C5orf34: variants seen among roughly 807,000 people sequenced by gnomAD.
The protein encoded by C5orf34 is chromosome 5 open reading frame 34.
Under a neutral mutation model 78.4 loss-of-function variants are expected in C5orf34, and 73 were observed. That is an observed-to-expected ratio of 0.93 (90% confidence interval 0.77 to 1.13). C5orf34 has a LOEUF of 1.13. Among genes scored for constraint, C5orf34 ranks in the 50% most tolerant of loss-of-function variants. The probability of loss-of-function intolerance (pLI) is 0.00; values close to 1 mark genes in which losing one functional copy is unlikely to be tolerated. For synonymous variants in C5orf34, 251 were observed against 246.6 expected, an observed-to-expected ratio of 1.02 and a Z score of -0.17; for missense variants, 730 against 732.7, an observed-to-expected ratio of 1.00 and a Z score of 0.04.
At chr5:43,496,246 C>A (rs1745513057) in intron 6 of C5orf34, 1 of 1,580,370 alleles carries the variant, frequency 6.3e-7, no homozygotes, top group Non-Finnish European at 8.6e-7. Flanking sequence ...AATGGTGATA[C>A]CACGTTCACG....
At chr5:43,493,766 C>T (rs1022685156) in intron 7 of C5orf34, among the ~76,000 whole-genome samples, 154 bp from the exon 8 acceptor site, 4 of 152,072 alleles carry the variant, frequency 2.6e-5, no homozygotes, top group African/African-American at 7.2e-5. Flanking sequence ...AATCCTTAAG[C>T]CCCTAGAAGG....
At chr5:43,494,773 T>C (rs1452898186) in intron 6 of C5orf34, among the ~76,000 whole-genome samples, 172 bp from the exon 7 acceptor site, 8 of 152,224 alleles carry the variant, frequency 5.3e-5, no homozygotes, top group Admixed American at 5.2e-4. Flanking sequence ...TTTTCCCATT[T>C]TTTTTTTCTC....
chr5:43,505,537 T>C (rs1174552453), intron 4 of C5orf34: 6 of 518,588 alleles, frequency 1.2e-5, no homozygotes, highest in Non-Finnish European at 2.0e-5. Context: ...CAGTATCTAG[T>C]GTAGAGTCAG....
At chr5:43,493,497 T>G in intron 8 of C5orf34, 46 bp downstream of exon 8, 1 of 1,164,850 alleles carries the variant, frequency 8.6e-7, no homozygotes, top group Non-Finnish European at 1.3e-6. Context: ...ATATAAACAA[T>G]AAAACAATTT....
rs547665119 is a variant in C5orf34, at chr5:43,502,721, C to T, written c.1029-226G>A. On this transcript the variant is annotated intron_variant, in intron 5 of 12. Coordinates refer to ENST00000306862, the MANE Select transcript of C5orf34 (RefSeq NM_198566.4). ...TTATGCATTTATTTCAACAACTAAACTAAGAACTTCTGGAATTCAGGCATC... is the reference window on the plus strand; with the variant it reads ...TTATGCATTTATTTCAACAACTAAATTAAGAACTTCTGGAATTCAGGCATC... 2.0e-5 allele frequency among the ~76,000 whole-genome samples: 3 copies of T among 152,274 alleles called. No individual in the cohort carries two copies. The South Asian group carries it at 6.2e-4, about 32-fold the overall frequency.
chr5:43,496,166 C>G (rs1745508940), intron 6 of C5orf34: 1 of 1,526,654 alleles, frequency 6.6e-7, no homozygotes. Context: ...TTGATGAAGT[C>G]TCTGAGTCCT....
At chr5:43,511,564 C>G (rs976162211) in intron 1 of C5orf34, among the ~76,000 whole-genome samples, 8 of 152,124 alleles carry the variant, frequency 5.3e-5, no homozygotes, top group Admixed American at 2.6e-4. Context: ...GCCATGATGA[C>G]GATGGCGGTT....
At chr5:43,487,811 AAGT>A in intron 12 of C5orf34, 95 bp downstream of exon 12, 2 of 867,790 alleles carry the variant, frequency 2.3e-6, no homozygotes. Context: ...GCAATATATT[AAGT>A]ATAGATTAAT....
At chr5:43,509,097 C>T (rs755993813) in intron 2 of C5orf34, 48 bp downstream of exon 2, 21 of 1,482,276 alleles carry the variant, frequency 1.4e-5, no homozygotes, top group Non-Finnish European at 1.9e-5. Flanking sequence ...AGAGCAAGAA[C>T]CTGTCTCTAA....
chr5:43,494,482 T>A, intron 7 of C5orf34, 28 bp downstream of exon 7: 1 of 1,438,074 alleles, frequency 7.0e-7, no homozygotes. Context: ...CACATAACAT[T>A]TGATTCAATT....
At chr5:43,505,459 A>G (rs1745940456) in intron 4 of C5orf34, 5 of 321,750 alleles carry the variant, frequency 1.6e-5, no homozygotes, top group Non-Finnish European at 2.3e-5. Context: ...AGTGACCTTC[A>G]CTAGATTCTA....
rs1746090554 is a variant in C5orf34 at position 43,508,574 on chromosome 5, C to A, written c.285+3G>T. ...CTAACAAAAATGAAGTTAAAAAAATCACCTTTTTTCTTTCAGAAGGTATGA... is the reference window on the plus strand; with the variant it reads ...CTAACAAAAATGAAGTTAAAAAAATAACCTTTTTTCTTTCAGAAGGTATGA... On this transcript the variant is annotated splice_donor_region_variant and intron_variant, in intron 3 of 12. Transcript: ENST00000306862. The A allele has an allele frequency of 6.4e-7, 1 of 1,550,410 alleles. No homozygotes were observed. The highest frequency in any genetic ancestry group is 8.8e-7 in the Non-Finnish European group (1 of 1,132,252).
At chr5:43,501,371 G>C (rs558799127) in intron 6 of C5orf34, among the ~76,000 whole-genome samples, 196 of 146,916 alleles carry the variant, frequency 1.3e-3, no homozygotes, top group African/African-American at 4.7e-3. Context: ...AACTCTTGAG[G>C]GCAGGAACTC....
intron 2 of C5orf34, among the ~76,000 whole-genome samples, chr5:43,508,912 T>C (rs1204764566): frequency 6.6e-6 from 1 of 152,162 alleles, no homozygotes; most frequent in East Asian, 1.9e-4. Flanking sequence ...TTGTGCAACA[T>C]AGCTAGACAA....
At chr5:43,514,011 A>T (rs535938198) in intron 1 of C5orf34, among the ~76,000 whole-genome samples, 1 of 152,376 alleles carries the variant, frequency 6.6e-6, no homozygotes, top group South Asian at 2.1e-4. Context: ...TGGCACAATA[A>T]ATATTTGAAT....
chr5:43,508,765 A>G, intron 2 of C5orf34, 99 bp from the exon 3 acceptor site: 1 of 796,782 alleles, frequency 1.3e-6, no homozygotes, highest in Non-Finnish European at 2.1e-6. Flanking sequence ...ATTACTTTTC[A>G]TATTCTAGCC....
At chr5:43,494,980 T>A in intron 6 of C5orf34, 5 of 1,021,200 alleles carry the variant, frequency 4.9e-6, no homozygotes, top group Non-Finnish European at 7.4e-6. Flanking sequence ...AGTCTTTCAC[T>A]ACTAAACTTA....
chr5:43,490,794 CAA>C, intron 10 of C5orf34, 65 bp from the exon 11 acceptor site: 4 of 772,034 alleles, frequency 5.2e-6, no homozygotes, highest in South Asian at 2.3e-5. Flanking sequence ...AAATTATAAA[CAA>C]ATGTAAAAAT....
intron 6 of C5orf34, chr5:43,496,292 TGAAG>T (rs1276911541): frequency 4.4e-6 from 7 of 1,584,854 alleles, no homozygotes; most frequent in Non-Finnish European, 6.0e-6. Flanking sequence ...CAGGCATACT[TGAAG>T]GAGTCCTTTC....
Sources: allele counts gnomAD v4.1 joint callset (sites outside exome capture counted in the v4.1 genomes callset), GRCh38; gene constraint gnomAD v4.1.1; transcripts MANE v1.5; gene names NCBI Gene and HGNC (gene_info 2026-07-23, HGNC 2026-07-21).